CHST9: variants seen among roughly 807,000 people sequenced by gnomAD.
CHST9 encodes the protein GalNAc-4-sulfotransferase 2.
CHST9 carries 41 observed loss-of-function variants against 44.4 expected under a neutral mutation model. The ratio of observed to expected loss-of-function variants is 0.92; its 90% confidence interval spans 0.72 to 1.20. The LOEUF is 1.20. Among genes scored for constraint, CHST9 ranks in the 50% most tolerant of loss-of-function variants. The pLI, the probability that CHST9 is intolerant of heterozygous loss-of-function variation, is 0.00. For missense variants in CHST9, 504 were observed against 516.5 expected, an observed-to-expected ratio of 0.98 and a Z score of 0.23; for synonymous variants, 171 against 178.4, an observed-to-expected ratio of 0.96 and a Z score of 0.33.
chr18:26,961,578 G>A lies in CHST9; in HGVS notation c.203-17212C>T, dbSNP rs114763301. On this transcript the variant is annotated intron_variant, in intron 4 of 5. Transcript: ENST00000618847. ...CAAGTAGCTGGGACTAGAGGCATGC[G>A]TCACTGCACCCAGTTAATTTTTTTA... Among the ~76,000 whole-genome samples the A allele has an allele frequency of 4.9e-3, 745 of 152,154 alleles. 6 individuals carry two copies. The highest frequency in any genetic ancestry group is 0.017 in the African/African-American group (703 of 41,510).
At chr18:27,012,113 A>G (rs1266696770) in intron 4 of CHST9, among the ~76,000 whole-genome samples, 1 of 152,124 alleles carries the variant, frequency 6.6e-6, no homozygotes, top group Non-Finnish European at 1.5e-5. Flanking sequence ...AAGTCCATAA[A>G]CTGACAAATA....
At chr18:26,979,167 C>G (rs1300901592) in intron 4 of CHST9, among the ~76,000 whole-genome samples, 1 of 152,110 alleles carries the variant, frequency 6.6e-6, no homozygotes, top group Non-Finnish European at 1.5e-5. Context: ...TAGCTCTCTT[C>G]TAAAATGTGA....
At chr18:26,954,292 G>A (rs1362147537) in intron 4 of CHST9, among the ~76,000 whole-genome samples, 1 of 152,208 alleles carries the variant, frequency 6.6e-6, no homozygotes, top group East Asian at 1.9e-4. Flanking sequence ...GGGACTCAAA[G>A]AAGTCCATGG....
chr18:26,953,393 T>C (rs905095798), intron 4 of CHST9, among the ~76,000 whole-genome samples: 3 of 152,168 alleles, frequency 2.0e-5, no homozygotes, highest in Non-Finnish European at 4.4e-5. Flanking sequence ...TTTAAAGCGA[T>C]AGACAATTTG....
chr18:26,978,598 A>G (rs369667188), intron 4 of CHST9, among the ~76,000 whole-genome samples: 1 of 152,160 alleles, frequency 6.6e-6, no homozygotes, highest in Non-Finnish European at 1.5e-5. Flanking sequence ...TGTGATGCAG[A>G]GGGATAAACA....
intron 3 of CHST9, among the ~76,000 whole-genome samples, chr18:27,026,218 G>C (rs2057283713): frequency 6.6e-6 from 1 of 152,114 alleles, no homozygotes; most frequent in Non-Finnish European, 1.5e-5. Context: ...AGTACACTCA[G>C]GTATTGGTAA....
At chr18:27,139,202 C>T (rs1325903825) in intron 2 of CHST9, among the ~76,000 whole-genome samples, 1 of 151,900 alleles carries the variant, frequency 6.6e-6, no homozygotes, top group Non-Finnish European at 1.5e-5. Flanking sequence ...ATTTGAAAAG[C>T]CTCAAATAAA....
At chr18:26,931,195 G>A (rs990605984) in intron 5 of CHST9, among the ~76,000 whole-genome samples, 3 of 152,180 alleles carry the variant, frequency 2.0e-5, no homozygotes, top group African/African-American at 7.2e-5. Context: ...CTTAGATGCT[G>A]TATCATTACC....
chr18:26,944,824 G>A (rs1395550192), intron 4 of CHST9, among the ~76,000 whole-genome samples: 5 of 152,240 alleles, frequency 3.3e-5, no homozygotes, highest in South Asian at 4.1e-4. Context: ...CATTTCTTAC[G>A]TGGGAAGTGA....
At chr18:27,142,116 A>G (rs1172262234) in intron 2 of CHST9, among the ~76,000 whole-genome samples, 2 of 152,132 alleles carry the variant, frequency 1.3e-5, no homozygotes, top group Non-Finnish European at 2.9e-5. Flanking sequence ...AGCCTGTTCC[A>G]TTTGTTTACA....
At chr18:27,019,631 T>A (rs1179430988) in intron 4 of CHST9, among the ~76,000 whole-genome samples, 1 of 150,454 alleles carries the variant, frequency 6.6e-6, no homozygotes, top group Non-Finnish European at 1.5e-5. Flanking sequence ...CTGGGTTATA[T>A]TCTTGCCGTC....
At chr18:27,054,735 C>A (rs928979863) in intron 2 of CHST9, among the ~76,000 whole-genome samples, 2 of 151,996 alleles carry the variant, frequency 1.3e-5, no homozygotes, top group African/African-American at 4.8e-5. Flanking sequence ...GCTGTCTCAC[C>A]AATAATGAGT....
In CHST9 at chr18:26,971,144, C is replaced by A. The variant is rs189534470; in HGVS notation, c.203-26778G>T. On this transcript the variant is annotated intron_variant, in intron 4 of 5. Transcript: ENST00000618847. ...ATCTTCTGTTTCTGCAACTAGATTG[C>A]AAACTACCTTAAGGTAGACACAGTG... 2.0e-5 allele frequency among the ~76,000 whole-genome samples: 3 copies of A among 152,224 alleles called. No homozygotes were observed. In the East Asian group the frequency reaches 5.8e-4, roughly 29 times the overall value.
intron 3 of CHST9, among the ~76,000 whole-genome samples, chr18:27,039,847 A>T (rs2057426221): frequency 6.6e-6 from 1 of 152,172 alleles, no homozygotes; most frequent in Non-Finnish European, 1.5e-5. Context: ...ACATTTTTAA[A>T]TGGCAAGAAA....
At chr18:27,043,709 T>C (rs1366167504) in intron 3 of CHST9, among the ~76,000 whole-genome samples, 1 of 152,032 alleles carries the variant, frequency 6.6e-6, no homozygotes, top group East Asian at 1.9e-4. Flanking sequence ...AATCCATACT[T>C]CCGCTGAGGT....
chr18:27,127,133 C>T (rs879713336), intron 2 of CHST9, among the ~76,000 whole-genome samples: 2 of 151,932 alleles, frequency 1.3e-5, no homozygotes, highest in African/African-American at 2.4e-5. Flanking sequence ...AGTATAGATG[C>T]CCAGGGAACA....
intron 2 of CHST9, among the ~76,000 whole-genome samples, chr18:27,125,564 T>G (rs1241346617): frequency 6.6e-6 from 1 of 152,216 alleles, no homozygotes; most frequent in Non-Finnish European, 1.5e-5. Context: ...TTCTCAATTT[T>G]TTTAAGAATT....
chr18:26,940,009 A>C (rs543520568), intron 5 of CHST9, among the ~76,000 whole-genome samples: 1 of 152,142 alleles, frequency 6.6e-6, no homozygotes, highest in South Asian at 2.1e-4. Context: ...ATATCCTCCC[A>C]CTTCAGGGGC....
intron 4 of CHST9, among the ~76,000 whole-genome samples, chr18:26,962,054 C>T (rs76186755): frequency 1.1e-3 from 166 of 152,282 alleles, no homozygotes; most frequent in African/African-American, 3.8e-3. Flanking sequence ...GTCCAGTCTC[C>T]ATTCAGATGA....
Sources: gnomAD v4.1 joint callset for allele counts (sites outside exome capture counted in the v4.1 genomes callset) on GRCh38, gnomAD v4.1.1 for gene constraint, MANE v1.5 for transcripts, NCBI Gene and HGNC (gene_info 2026-07-23, HGNC 2026-07-21) for gene names.